SPP2: variants seen among roughly 807,000 people sequenced by gnomAD.
SPP2 encodes the protein secreted phosphoprotein 2.
In SPP2, 34 loss-of-function variants were observed where a neutral mutation model predicts 28.8. The observed-to-expected ratio is 1.18, with a 90% confidence interval of 0.90 to 1.57. SPP2 has a LOEUF of 1.57. SPP2 is among the 40% of genes most tolerant of loss of function. The pLI is 0.00. For missense variants in SPP2, 269 were observed against 263.9 expected, an observed-to-expected ratio of 1.02 and a Z score of -0.13; for synonymous variants, 96 against 89.4, an observed-to-expected ratio of 1.07 and a Z score of -0.42.
At chr2:234,058,815 T>C in intron 2 of SPP2, 21 bp from the exon 3 acceptor site, 1 of 1,610,150 alleles carries the variant, frequency 6.2e-7, no homozygotes, top group Non-Finnish European at 8.5e-7. Context: ...GATCACACTC[T>C]GAAACTTTAT....
rs530901825 is a variant in SPP2, at chr2:234,056,422, G to A, written c.211-2414G>A. 77 of 152,278 alleles carry A rather than the reference G, an allele frequency of 5.1e-4. 1 individual carries two copies. The highest frequency in any genetic ancestry group is 1.8e-3 in the African/African-American group (74 of 41,546). 9.4% of individuals were successfully genotyped at this position (152,278 alleles called of 1,614,324 possible). A position where few individuals can be genotyped will look rare whatever the true frequency, so the allele number is the denominator to read the frequency against. The stretch of plus-strand genomic sequence containing the variant: ...TGTCCCACATTTCTTGAATTACACA[G>A]AATAGAAATTTACTGGCAGAAAGTG... On this transcript the variant is annotated intron_variant, in intron 2 of 7. Coordinates refer to ENST00000168148, the MANE Select transcript of SPP2 (RefSeq NM_006944.3).
intron 2 of SPP2, among the ~76,000 whole-genome samples, chr2:234,055,671 C>A (rs2125452360): frequency 6.6e-6 from 1 of 151,900 alleles, no homozygotes; most frequent in Admixed American, 6.5e-5. Context: ...CATTCATTAT[C>A]CATTTATCTG....
At chr2:234,064,146 C>G (rs915942605) in intron 4 of SPP2, among the ~76,000 whole-genome samples, 10 of 151,258 alleles carry the variant, frequency 6.6e-5, no homozygotes, top group African/African-American at 2.2e-4. Context: ...CCTTCTCCCC[C>G]TCATTCCCTT....
intron 7 of SPP2, among the ~76,000 whole-genome samples, chr2:234,072,388 G>T (rs28904009): frequency 0.059 from 8,986 of 152,068 alleles, 590 homozygotes; most frequent in African/African-American, 0.17. Flanking sequence ...AAATGTAAAT[G>T]ATATCTTTTT....
At chr2:234,061,422 G>A (rs1693716554) in intron 4 of SPP2, among the ~76,000 whole-genome samples, 1 of 151,978 alleles carries the variant, frequency 6.6e-6, no homozygotes. Flanking sequence ...TTAAACTAGG[G>A]ATAAAAACAT....
At position 234,073,751 on chromosome 2, in the gene SPP2, A is replaced by C. The variant is rs28904013; in HGVS notation, c.*11-3094A>C. 1.3e-3 allele frequency among the ~76,000 whole-genome samples: 192 copies of C among 152,296 alleles called. 1 individual carries two copies. Among genetic ancestry groups the C allele is most frequent in the African/African-American group, 4.4e-3 (182 of 41,564 alleles). On this transcript the variant is annotated intron_variant, in intron 7 of 7. Coordinates refer to ENST00000168148, the MANE Select transcript of SPP2 (RefSeq NM_006944.3). ...CACCCAAACCATAGCTGCATGAGTG[A>C]TGCATTTTTCTTTATGTCACAATCT...
chr2:234,068,301 T>C (rs1232219603), intron 6 of SPP2, among the ~76,000 whole-genome samples: 1 of 152,232 alleles, frequency 6.6e-6, no homozygotes, highest in Non-Finnish European at 1.5e-5. Flanking sequence ...TCCCATTTTG[T>C]AGGTGAGCTA....
chr2:234,053,373 G>T (rs1002951031), intron 2 of SPP2, among the ~76,000 whole-genome samples: 1 of 152,080 alleles, frequency 6.6e-6, no homozygotes, highest in Non-Finnish European at 1.5e-5. Context: ...GTATTTGGGG[G>T]TACAGTTCAA....
intron 2 of SPP2, among the ~76,000 whole-genome samples, chr2:234,058,513 A>T (rs748890058): frequency 2.0e-5 from 3 of 152,204 alleles, no homozygotes; most frequent in Admixed American, 6.5e-5. Context: ...TTTAGTGAGT[A>T]GGTGAGTTTG....
intron 7 of SPP2, among the ~76,000 whole-genome samples, chr2:234,072,520 A>G (rs186403826): frequency 9.1e-4 from 139 of 152,328 alleles, no homozygotes; most frequent in African/African-American, 3.2e-3. Flanking sequence ...GTATTGCAAT[A>G]TAAATTCATC....
At chr2:234,051,689 T>C (rs1270508618) in intron 2 of SPP2, among the ~76,000 whole-genome samples, 1 of 152,214 alleles carries the variant, frequency 6.6e-6, no homozygotes, top group South Asian at 2.1e-4. Context: ...CCAGGTAATT[T>C]CACTGCCTTA....
At chr2:234,066,080 G>A (rs969204325) in intron 4 of SPP2, among the ~76,000 whole-genome samples, 2 of 152,182 alleles carry the variant, frequency 1.3e-5, no homozygotes, top group South Asian at 4.1e-4. Flanking sequence ...TAGAAAGACT[G>A]CGAGCCAAGC....
At chr2:234,063,071 G>A (rs1693751325) in intron 4 of SPP2, among the ~76,000 whole-genome samples, 1 of 152,108 alleles carries the variant, frequency 6.6e-6, no homozygotes, top group African/African-American at 2.4e-5. Context: ...AAAGCAGATA[G>A]AGACTTAAGT....
chr2:234,059,409 T>C (rs1041776824), intron 3 of SPP2, among the ~76,000 whole-genome samples: 6 of 152,266 alleles, frequency 3.9e-5, no homozygotes, highest in African/African-American at 1.4e-4. Flanking sequence ...CATGTTCGCT[T>C]TCGTGTCTCT....
At chr2:234,075,000 CAAA>C (rs3078239) in intron 7 of SPP2, among the ~76,000 whole-genome samples, 50,834 of 117,282 alleles carry the variant, frequency 0.43, 10,061 homozygotes, top group African/African-American at 0.53. Flanking sequence ...CACAAAAATG[CAAA>C]AAAAAAAAAA....
At chr2:234,073,105 C>G (rs527356588) in intron 7 of SPP2, among the ~76,000 whole-genome samples, 1 of 152,184 alleles carries the variant, frequency 6.6e-6, no homozygotes, top group Admixed American at 6.5e-5. Flanking sequence ...CCAGGCTAGT[C>G]TCAAACTCCT....
intron 6 of SPP2, 57 bp downstream of exon 6, chr2:234,067,331 C>T: frequency 6.8e-7 from 1 of 1,471,514 alleles, no homozygotes; most frequent in South Asian, 1.1e-5. Context: ...ATCTGGACTC[C>T]TGAGAAATCC....
intron 7 of SPP2, among the ~76,000 whole-genome samples, chr2:234,074,052 T>G (rs1690848484): frequency 6.6e-6 from 1 of 152,166 alleles, no homozygotes; most frequent in Non-Finnish European, 1.5e-5. Context: ...TTCTCTCTGT[T>G]TCATTGAGGA....
At chr2:234,064,910 G>A (rs868775477) in intron 4 of SPP2, among the ~76,000 whole-genome samples, 11 of 152,110 alleles carry the variant, frequency 7.2e-5, no homozygotes, top group East Asian at 3.9e-4. Flanking sequence ...GTATTGTTCC[G>A]TTTTACAGAG....
Sources: gnomAD v4.1 joint callset for allele counts (sites outside exome capture counted in the v4.1 genomes callset) on GRCh38, gnomAD v4.1.1 for gene constraint, MANE v1.5 for transcripts, NCBI Gene and HGNC (gene_info 2026-07-23, HGNC 2026-07-21) for gene names.